The following TENM2 variants were observed in gnomAD, a reference collection of about 807,000 sequenced individuals.
TENM2 encodes the protein teneurin-2.
TENM2 carries 52 observed loss-of-function variants against 245.2 expected under a neutral mutation model. That is an observed-to-expected ratio of 0.21 (90% CI 0.17 to 0.27). The LOEUF is 0.27. TENM2 is among the 10% of genes least tolerant of loss of function. The pLI, the probability that TENM2 is intolerant of heterozygous loss-of-function variation, is 1.00. For synonymous variants in TENM2, 1,363 were observed against 1,438.9 expected, an observed-to-expected ratio of 0.95 and a Z score of 1.19; for missense variants, 3,046 against 3,666.8, an observed-to-expected ratio of 0.83 and a Z score of 4.37.
At chr5:167,568,427 C>G (rs1175414121) in intron 2 of TENM2, among the ~76,000 whole-genome samples, 3 of 152,050 alleles carry the variant, frequency 2.0e-5, no homozygotes, top group Admixed American at 2.0e-4. Flanking sequence ...CCCACATATA[C>G]TGAACACTCA....
chr5:167,926,369 T>G (rs1777762105), intron 3 of TENM2, among the ~76,000 whole-genome samples: 1 of 152,116 alleles, frequency 6.6e-6, no homozygotes, highest in Non-Finnish European at 1.5e-5. Flanking sequence ...AACTTCCCCT[T>G]AGTTTTTAAA....
At chr5:168,052,255 G>A (rs1467782595) in intron 6 of TENM2, among the ~76,000 whole-genome samples, 1 of 151,922 alleles carries the variant, frequency 6.6e-6, no homozygotes. Context: ...GCCAGGCGGG[G>A]TGGTGGGTGC....
chr5:168,058,042 A>G (rs1789708537), intron 6 of TENM2, among the ~76,000 whole-genome samples: 1 of 152,234 alleles, frequency 6.6e-6, no homozygotes, highest in Non-Finnish European at 1.5e-5. Context: ...GCCAAGCACA[A>G]GCTCACATGA....
At chr5:167,493,239 C>A (rs1011044262) in intron 2 of TENM2, among the ~76,000 whole-genome samples, 1 of 151,934 alleles carries the variant, frequency 6.6e-6, no homozygotes, top group African/African-American at 2.4e-5. Flanking sequence ...GATCTTGCCA[C>A]TGTACTCCAG....
chr5:167,183,076 G>T, the TENM2 span, among the ~76,000 whole-genome samples: 1 of 151,980 alleles, frequency 6.6e-6, no homozygotes, highest in African/African-American at 2.4e-5. Flanking sequence ...ATACAATTTA[G>T]GCAAGGTTGC....
At chr5:167,751,730 T>C (rs952545996) in intron 2 of TENM2, among the ~76,000 whole-genome samples, 1 of 151,576 alleles carries the variant, frequency 6.6e-6, no homozygotes, top group Non-Finnish European at 1.5e-5. Flanking sequence ...ACTGTTTTGG[T>C]TTTTTTTAAG....
the TENM2 span, among the ~76,000 whole-genome samples, chr5:167,107,786 G>A: frequency 6.6e-6 from 1 of 152,164 alleles, no homozygotes; most frequent in Non-Finnish European, 1.5e-5. Flanking sequence ...CAATGTCAAG[G>A]AAGAATTCAA....
chr5:167,408,633 T>C (rs957522327), intron 2 of TENM2, among the ~76,000 whole-genome samples: 1 of 152,012 alleles, frequency 6.6e-6, no homozygotes, highest in Non-Finnish European at 1.5e-5. Flanking sequence ...CTTCAAGTGA[T>C]GCCATAATGT....
intron 2 of TENM2, among the ~76,000 whole-genome samples, chr5:167,563,590 T>G (rs2336894): frequency 0.57 from 87,299 of 151,936 alleles, 25,823 homozygotes; most frequent in Middle Eastern, 0.69. Context: ...TAACCAGAAG[T>G]ATTAATTTTA....
chr5:167,802,375 C>A (rs1440567519), intron 2 of TENM2, among the ~76,000 whole-genome samples: 1 of 152,052 alleles, frequency 6.6e-6, no homozygotes, highest in African/African-American at 2.4e-5. Context: ...TAAGTGGGAC[C>A]CTCCCATGAC....
At chr5:167,208,134 C>G in the TENM2 span, among the ~76,000 whole-genome samples, 6 of 152,122 alleles carry the variant, frequency 3.9e-5, no homozygotes, top group Admixed American at 1.3e-4. Flanking sequence ...AATCAACTTA[C>G]GTGAGAGATG....
intron 2 of TENM2, among the ~76,000 whole-genome samples, chr5:167,409,491 C>A (rs1418514066): frequency 6.6e-6 from 1 of 151,612 alleles, no homozygotes; most frequent in Non-Finnish European, 1.5e-5. Context: ...TAATAAGCAG[C>A]CTAAAAATTG....
chr5:167,203,345 G>C, the TENM2 span, among the ~76,000 whole-genome samples: 1 of 152,112 alleles, frequency 6.6e-6, no homozygotes, highest in African/African-American at 2.4e-5. Flanking sequence ...GGTCCTGCTG[G>C]TCAAAATCTA....
At chr5:167,382,894 C>T (rs1160324834) in intron 2 of TENM2, among the ~76,000 whole-genome samples, 1 of 151,868 alleles carries the variant, frequency 6.6e-6, no homozygotes, top group Non-Finnish European at 1.5e-5. Context: ...TGAAAGGTAC[C>T]ACACTATGCT....
intron 2 of TENM2, among the ~76,000 whole-genome samples, chr5:167,454,766 C>T (rs1765813986): frequency 6.6e-6 from 1 of 152,166 alleles, no homozygotes; most frequent in African/African-American, 2.4e-5. Context: ...TACCATATTT[C>T]CCACAAAAGT....
chr5:167,314,817 C>T (rs959823436), intron 1 of TENM2, among the ~76,000 whole-genome samples: 5 of 151,966 alleles, frequency 3.3e-5, no homozygotes, highest in African/African-American at 1.2e-4. Flanking sequence ...ACCTGTCACC[C>T]ATTTCTAACA....
At chr5:167,989,476 G>A (rs990171808) in intron 4 of TENM2, among the ~76,000 whole-genome samples, 3 of 152,136 alleles carry the variant, frequency 2.0e-5, no homozygotes, top group Non-Finnish European at 4.4e-5. Flanking sequence ...TTTTTGTGTG[G>A]CTGAAGCGTG....
At chr5:168,053,775 T>A (rs1448745733) in intron 6 of TENM2, among the ~76,000 whole-genome samples, 1 of 152,136 alleles carries the variant, frequency 6.6e-6, no homozygotes, top group African/African-American at 2.4e-5. Context: ...ACCCTGTGGA[T>A]ACCAAGGGAT....
the TENM2 span, among the ~76,000 whole-genome samples, chr5:167,032,213 C>T: frequency 6.6e-6 from 1 of 152,120 alleles, no homozygotes; most frequent in Admixed American, 6.5e-5. Context: ...AAGGGTAAAA[C>T]CTCAAAAAAT....
Sources: allele counts gnomAD v4.1 joint callset (sites outside exome capture counted in the v4.1 genomes callset), GRCh38; gene constraint gnomAD v4.1.1; transcripts MANE v1.5; gene names NCBI Gene and HGNC (gene_info 2026-07-23, HGNC 2026-07-21).